SLCO2B1: variants seen among roughly 807,000 people sequenced by gnomAD.
SLCO2B1 encodes solute carrier organic anion transporter family member 2B1.
A neutral mutation model predicts 67.3 loss-of-function variants in SLCO2B1; 41 were observed. That is an observed-to-expected ratio of 0.61 (90% CI 0.47 to 0.79). The LOEUF is 0.79. SLCO2B1 is among the 30% of genes least tolerant of loss of function. SLCO2B1 has a pLI of 0.00. For missense variants in SLCO2B1, 837 were observed against 920.1 expected (o/e 0.91, Z 1.17); for synonymous variants, 379 against 381.4 (o/e 0.99, Z 0.07).
rs1398750856 is a variant in SLCO2B1, at chr11:75,163,005, G to C, written c.147+220G>C. On this transcript the variant is annotated intron_variant, in intron 2 of 13. Coordinates refer to ENST00000289575, the MANE Select transcript of SLCO2B1 (RefSeq NM_007256.5). ...ATGTTCGCTCCTCCCAGAGAGGAAA[G>C]GGGTGTTCTTGGAGTAGTACAGGAT... 8 of 485,334 alleles carry C rather than the reference G, an allele frequency of 1.6e-5. No homozygotes were observed. In the East Asian group the frequency reaches 2.7e-4, roughly 17 times the overall value. 30.1% of individuals were successfully genotyped at this position (485,334 alleles called of 1,614,324 possible).
chr11:75,192,009 G>A (rs2140336325), intron 8 of SLCO2B1, among the ~76,000 whole-genome samples: 1 of 152,148 alleles, frequency 6.6e-6, no homozygotes, highest in Admixed American at 6.5e-5. Context: ...GTAATTTTTT[G>A]CCAAAACAGT....
intron 11 of SLCO2B1, 114 bp downstream of exon 11, chr11:75,200,501 C>T (rs1029771582): frequency 1.9e-6 from 2 of 1,069,058 alleles, no homozygotes; most frequent in Non-Finnish European, 2.6e-6. Context: ...GGTGTCCTGG[C>T]CCCCACAATA....
At chr11:75,176,884 A>G (rs1264977205) in intron 7 of SLCO2B1, among the ~76,000 whole-genome samples, 2 of 152,120 alleles carry the variant, frequency 1.3e-5, no homozygotes, top group African/African-American at 4.8e-5. Context: ...TCACTGACGG[A>G]GGGATTGGCC....
chr11:75,204,169 G>T, intron 13 of SLCO2B1: 1 of 382,846 alleles, frequency 2.6e-6, no homozygotes, highest in Non-Finnish European at 4.6e-6. Context: ...GGCAGGGCCA[G>T]GCCAGGCCAC....
intron 4 of SLCO2B1, among the ~76,000 whole-genome samples, chr11:75,167,168 G>A (rs2140311173): frequency 6.6e-6 from 1 of 152,290 alleles, no homozygotes; most frequent in East Asian, 1.9e-4. Flanking sequence ...TAGAGAGAAG[G>A]TGGGAGTTGC....
At chr11:75,188,595 G>A (rs1944972927) in intron 8 of SLCO2B1, among the ~76,000 whole-genome samples, 1 of 152,102 alleles carries the variant, frequency 6.6e-6, no homozygotes, top group Non-Finnish European at 1.5e-5. Flanking sequence ...GCATGATGGT[G>A]GGCACCTGTA....
chr11:75,162,002 T>C (rs1000361626), intron 1 of SLCO2B1, among the ~76,000 whole-genome samples: 5 of 151,774 alleles, frequency 3.3e-5, no homozygotes, highest in African/African-American at 1.2e-4. Flanking sequence ...TCCACAAGAG[T>C]GTTAAGTGAG....
rs577170105 is a variant in SLCO2B1 at position 75,165,777 on chromosome 11, C to T, written c.286-10C>T. 67 of 1,613,898 alleles carry T rather than the reference C, an allele frequency of 4.2e-5. 1 individual carries two copies. The South Asian group carries it at 4.5e-4, about 11-fold the overall frequency. ...GTTCCACCTTAATGGGTCACCTCGTCCTTTTGCAGGTGGGGAACACAGCCT... is the reference window on the plus strand; with the variant it reads ...GTTCCACCTTAATGGGTCACCTCGTTCTTTTGCAGGTGGGGAACACAGCCT... On this transcript the variant is annotated splice_polypyrimidine_tract_variant and intron_variant, in intron 3 of 13. Coordinates refer to ENST00000289575, the MANE Select transcript of SLCO2B1 (RefSeq NM_007256.5).
chr11:75,204,596 C>A lies in SLCO2B1; in HGVS notation c.*16C>A, dbSNP rs1945243358. On this transcript the variant is annotated 3_prime_UTR_variant, in exon 14 of 14. Transcript: ENST00000289575. ...CCGAGTGTGAGCTGTCTTGGGGCCCCACCTGGCCAAGAGTAGCAGCCACAG... is the reference window on the plus strand; with the variant it reads ...CCGAGTGTGAGCTGTCTTGGGGCCCAACCTGGCCAAGAGTAGCAGCCACAG... 1.9e-6 allele frequency: 3 copies of A among 1,591,588 alleles called. No individual in the cohort carries two copies. Among genetic ancestry groups the A allele is most frequent in the Admixed American group, 1.8e-5 (1 of 57,098 alleles).
chr11:75,167,744 A>G (rs1219240694), intron 4 of SLCO2B1, among the ~76,000 whole-genome samples: 1 of 152,080 alleles, frequency 6.6e-6, no homozygotes, highest in Non-Finnish European at 1.5e-5. Flanking sequence ...AGGGATTATC[A>G]TTACTTCCTC....
chr11:75,176,755 C>T (rs569288216), intron 7 of SLCO2B1, among the ~76,000 whole-genome samples: 3 of 152,186 alleles, frequency 2.0e-5, no homozygotes, highest in Non-Finnish European at 4.4e-5. Context: ...AGCCAGGAGG[C>T]CTCCATTTCC....
intron 9 of SLCO2B1, 156 bp from the exon 10 acceptor site, chr11:75,196,358 C>G: frequency 1.4e-6 from 1 of 701,902 alleles, no homozygotes; most frequent in African/African-American, 1.8e-5. Context: ...AAGGAGCTCA[C>G]TATCACGCCA....
rs1183687820 is a variant in SLCO2B1 at position 75,203,419 on chromosome 11, C to T, written c.1941C>T (p.Leu647=). The T allele has an allele frequency of 1.2e-6, 2 of 1,613,982 alleles. No individual in the cohort carries two copies. Among genetic ancestry groups the T allele is most frequent in the Admixed American group, 3.3e-5 (2 of 59,994 alleles). Residue 647 remains leucine, a synonymous_variant, in exon 13 of 14, where the codon CTC becomes CTT. Transcript: ENST00000289575. ...AVCRYYNNDL[L]RNRFIGLQFF... ...GTCGCTACTACAATAATGACCTGCTCCGAAACCGGTGAGACCTGGTTTGAT... is the reference window on the plus strand; with the variant it reads ...GTCGCTACTACAATAATGACCTGCTTCGAAACCGGTGAGACCTGGTTTGAT...
chr11:75,202,788 T>C, intron 11 of SLCO2B1, 113 bp from the exon 12 acceptor site: 2 of 897,812 alleles, frequency 2.2e-6, no homozygotes, highest in Non-Finnish European at 3.7e-6. Flanking sequence ...GGAGAGAGGC[T>C]GGCTCTGGGT....
At chr11:75,171,014 T>C (rs1949952444) in intron 6 of SLCO2B1, among the ~76,000 whole-genome samples, 1 of 152,140 alleles carries the variant, frequency 6.6e-6, no homozygotes, top group Admixed American at 6.5e-5. Flanking sequence ...CACAGACTGA[T>C]AAGAGAGAAG....
rs1342840922 is a variant in SLCO2B1, at chr11:75,205,980, C to T, written c.*1400C>T. On this transcript the variant is annotated 3_prime_UTR_variant, in exon 14 of 14. Coordinates refer to ENST00000289575, the MANE Select transcript of SLCO2B1 (RefSeq NM_007256.5). ...TGTGGCCCTTGCCTTCTGAGCAGCT[C>T]CCAGTGCCAGGGCTTTGAGACTTTC... 6.6e-6 allele frequency: 1 copy of T among 152,186 alleles called. No individual in the cohort carries two copies. Among genetic ancestry groups the T allele is most frequent in the Non-Finnish European group, 1.5e-5 (1 of 68,026 alleles). 9.4% of individuals were successfully genotyped at this position (152,186 alleles called of 1,614,324 possible). A position where few individuals can be genotyped will look rare whatever the true frequency, so the allele number is the denominator to read the frequency against.
chr11:75,154,008 C>G (rs1344481584), intron 1 of SLCO2B1, among the ~76,000 whole-genome samples: 2 of 151,058 alleles, frequency 1.3e-5, no homozygotes, highest in African/African-American at 4.9e-5. Flanking sequence ...TCACTGCAAC[C>G]TCTACCTCCC....
intron 1 of SLCO2B1, among the ~76,000 whole-genome samples, chr11:75,159,093 G>A (rs1478936958): frequency 6.6e-6 from 1 of 152,240 alleles, no homozygotes; most frequent in African/African-American, 2.4e-5. Context: ...ACTGTCTTAT[G>A]AGGAGCTGCA....
intron 11 of SLCO2B1, chr11:75,200,678 C>T: frequency 3.3e-6 from 1 of 307,014 alleles, no homozygotes; most frequent in Non-Finnish European, 6.0e-6. Flanking sequence ...CAGGCTCCTA[C>T]TTGCCCAGGG....
Sources: gnomAD v4.1 joint callset for allele counts (sites outside exome capture counted in the v4.1 genomes callset) on GRCh38, gnomAD v4.1.1 for gene constraint, MANE v1.5 for transcripts, NCBI Gene and HGNC (gene_info 2026-07-23, HGNC 2026-07-21) for gene names.